The following TPD52L1 variants were observed in gnomAD, a reference collection of about 807,000 sequenced individuals.
TPD52L1 encodes TPD52 like 1.
TPD52L1 carries 18 observed loss-of-function variants against 28.7 expected under a neutral mutation model. That is an observed-to-expected ratio of 0.63 (90% CI 0.43 to 0.93). The LOEUF (loss-of-function observed/expected upper bound fraction) is 0.93. Among genes scored for constraint, TPD52L1 ranks in the 40% least tolerant of loss-of-function variants. The pLI, the probability that TPD52L1 is intolerant of heterozygous loss-of-function variation, is 0.00. For synonymous variants in TPD52L1, 75 were observed against 88.8 expected (o/e 0.84, Z 0.88); for missense variants, 203 against 254.8 (o/e 0.80, Z 1.39).
intron 1 of TPD52L1, among the ~76,000 whole-genome samples, chr6:125,202,487 G>A (rs1413750061): frequency 6.6e-6 from 1 of 152,078 alleles, no homozygotes; most frequent in East Asian, 1.9e-4. Context: ...CTCTAGCTTG[G>A]GTGCCTCGCA....
intron 1 of TPD52L1, among the ~76,000 whole-genome samples, chr6:125,197,361 A>G (rs944355304): frequency 6.6e-6 from 1 of 152,198 alleles, no homozygotes; most frequent in African/African-American, 2.4e-5. Context: ...TCCACCACAT[A>G]TCTAGTTCAA....
At chr6:125,253,979 A>G (rs1389978967) in intron 5 of TPD52L1, 1 of 733,870 alleles carries the variant, frequency 1.4e-6, no homozygotes, top group Non-Finnish European at 2.5e-6. Context: ...AAGACAAGTG[A>G]CTTAACCTCA....
rs984795284 is a variant in TPD52L1, at chr6:125,253,542, C to A, written c.387-175C>A. On this transcript the variant is annotated intron_variant, in intron 4 of 6. Transcript: ENST00000534000. ...TACTTTTCATTTATACCCTTGAAAG[C>A]TGACTATACCCATTATACCCAACAA... 5.0e-6 allele frequency: 3 copies of A among 598,652 alleles called. No homozygotes were observed. In the East Asian group the frequency reaches 8.4e-5, roughly 17 times the overall value. 37.1% of individuals were successfully genotyped at this position (598,652 alleles called of 1,614,324 possible).
intron 5 of TPD52L1, among the ~76,000 whole-genome samples, chr6:125,256,742 A>T (rs1047538446): frequency 6.6e-6 from 1 of 152,262 alleles, no homozygotes. Flanking sequence ...GAGTGTTGTG[A>T]TAGAAACAAT....
chr6:125,199,083 A>G (rs910414763), intron 1 of TPD52L1, among the ~76,000 whole-genome samples: 1 of 152,194 alleles, frequency 6.6e-6, no homozygotes, highest in Non-Finnish European at 1.5e-5. Context: ...TCAAATCTAA[A>G]CCTTGCTATG....
intron 1 of TPD52L1, among the ~76,000 whole-genome samples, chr6:125,195,869 G>A (rs889176416): frequency 2.0e-5 from 3 of 152,112 alleles, no homozygotes; most frequent in South Asian, 2.1e-4. Context: ...CCCTGTTCGC[G>A]CTATCACAGC....
chr6:125,154,413 G>A (rs1440201421), intron 1 of TPD52L1: 2 of 990,366 alleles, frequency 2.0e-6, no homozygotes, highest in African/African-American at 1.7e-5. Flanking sequence ...GGGAGTGAGA[G>A]GATCGCCCGC....
chr6:125,182,241 A>C (rs1792245254), intron 1 of TPD52L1, among the ~76,000 whole-genome samples: 1 of 152,244 alleles, frequency 6.6e-6, no homozygotes, highest in East Asian at 1.9e-4. Flanking sequence ...TCTCTAGGGC[A>C]GATGTGCAAA....
intron 3 of TPD52L1, among the ~76,000 whole-genome samples, chr6:125,230,169 A>G (rs1303429085): frequency 1.3e-5 from 2 of 152,194 alleles, no homozygotes; most frequent in African/African-American, 4.8e-5. Context: ...AATCTCAGTT[A>G]TTCTACAATC....
intron 3 of TPD52L1, among the ~76,000 whole-genome samples, chr6:125,247,438 C>A (rs1012039967): frequency 2.0e-5 from 3 of 152,142 alleles, no homozygotes; most frequent in African/African-American, 7.2e-5. Context: ...TCAGGACAAC[C>A]TTTGGTCTTG....
Position 125,153,779 on chromosome 6 carries a change from G to A in TPD52L1, c.-173G>A. On this transcript the variant is annotated 5_prime_UTR_variant, in exon 1 of 7. Transcript: ENST00000534000. The stretch of plus-strand genomic sequence containing the variant: ...GGAAGGGGCGGAGGTAACCAGAAGC[G>A]GCTAGTGGCGGCTGCCTGCGTCCCC... The A allele has an allele frequency of 1.6e-6, 1 of 637,056 alleles. No individual in the cohort carries two copies. The highest frequency in any genetic ancestry group is 2.6e-6 in the Non-Finnish European group (1 of 390,038). The allele number at this position is 637,056 out of a possible 1,614,324, so 39.5% of individuals were successfully genotyped here.
At chr6:125,172,573 G>T (rs1317392612) in intron 1 of TPD52L1, among the ~76,000 whole-genome samples, 1 of 74,960 alleles carries the variant, frequency 1.3e-5, no homozygotes, top group Non-Finnish European at 2.4e-5. Context: ...TATATGGCAT[G>T]AAATTAGGTA....
chr6:125,174,470 T>C (rs779417550), intron 1 of TPD52L1, among the ~76,000 whole-genome samples: 37 of 152,168 alleles, frequency 2.4e-4, no homozygotes, highest in Non-Finnish European at 4.6e-4. Context: ...TTGACGGAAT[T>C]TGGCTATCTG....
intron 1 of TPD52L1, among the ~76,000 whole-genome samples, chr6:125,174,086 C>A (rs897362809): frequency 1.3e-5 from 2 of 152,058 alleles, no homozygotes; most frequent in South Asian, 4.1e-4. Context: ...GGGGGGCCCT[C>A]GATGGATCTT....
chr6:125,203,770 C>G, intron 1 of TPD52L1: 2 of 985,432 alleles, frequency 2.0e-6, no homozygotes, highest in Non-Finnish European at 2.4e-6. Context: ...GGAGGAACCA[C>G]CCCATCTGTA....
chr6:125,169,006 C>T (rs975016181), intron 1 of TPD52L1, among the ~76,000 whole-genome samples: 2 of 152,040 alleles, frequency 1.3e-5, no homozygotes, highest in Non-Finnish European at 2.9e-5. Context: ...TCTTTGTGCC[C>T]TCCCCTTCCT....
chr6:125,253,639 A>G, intron 4 of TPD52L1, 78 bp from the exon 5 acceptor site: 1 of 1,275,242 alleles, frequency 7.8e-7, no homozygotes, highest in Admixed American at 1.9e-5. Context: ...TAGAACTACG[A>G]ATAGGGAGTT....
chr6:125,200,407 AT>A (rs1352938841), intron 1 of TPD52L1, among the ~76,000 whole-genome samples: 4 of 152,230 alleles, frequency 2.6e-5, no homozygotes, highest in African/African-American at 9.6e-5. Flanking sequence ...TTTTTGAATA[AT>A]TTAGCATGTC....
At chr6:125,188,422 G>A (rs752772223) in intron 1 of TPD52L1, among the ~76,000 whole-genome samples, 107 of 152,274 alleles carry the variant, frequency 7.0e-4, no homozygotes, top group Non-Finnish European at 1.2e-3. Flanking sequence ...TTGGTAGTAT[G>A]TGAACATTTA....
Sources: allele counts gnomAD v4.1 joint callset (sites outside exome capture counted in the v4.1 genomes callset), GRCh38; gene constraint gnomAD v4.1.1; transcripts MANE v1.5; gene names NCBI Gene and HGNC (gene_info 2026-07-23, HGNC 2026-07-21).